The following GSG1L variants were observed in gnomAD, a reference collection of about 807,000 sequenced individuals.
GSG1L encodes GSG1 like, also known as germ cell-specific gene 1-like protein.
GSG1L carries 24 observed loss-of-function variants against 42.1 expected under a neutral mutation model. That is an observed-to-expected ratio of 0.57 (90% CI 0.41 to 0.80). The LOEUF is 0.80. Among genes scored for constraint, GSG1L ranks in the 30% least tolerant of loss-of-function variants. The probability of loss-of-function intolerance (pLI) is 0.00; values close to 1 mark genes in which losing one functional copy is unlikely to be tolerated. For synonymous variants in GSG1L, 215 were observed against 203.5 expected, an observed-to-expected ratio of 1.06 and a Z score of -0.48; for missense variants, 445 against 472.2, an observed-to-expected ratio of 0.94 and a Z score of 0.53.
chr16:27,928,772 C>G (rs2084625063), intron 2 of GSG1L, among the ~76,000 whole-genome samples: 1 of 152,214 alleles, frequency 6.6e-6, no homozygotes, highest in Non-Finnish European at 1.5e-5. Flanking sequence ...TGAGAGCTGT[C>G]CTGATCTCTA....
intron 2 of GSG1L, among the ~76,000 whole-genome samples, chr16:27,917,037 C>T (rs2084465551): frequency 6.6e-6 from 1 of 152,052 alleles, no homozygotes; most frequent in Admixed American, 6.6e-5. Flanking sequence ...AGTGCAAAGG[C>T]CTGAGGTGGG....
intron 2 of GSG1L, among the ~76,000 whole-genome samples, chr16:27,909,463 T>C (rs1185449264): frequency 1.4e-5 from 2 of 147,498 alleles, no homozygotes; most frequent in Admixed American, 6.9e-5. Flanking sequence ...TATGGCTCAC[T>C]GCAGCCTTGA....
At chr16:27,794,041 G>T (rs770218169) in intron 6 of GSG1L, among the ~76,000 whole-genome samples, 5 of 151,900 alleles carry the variant, frequency 3.3e-5, no homozygotes, top group Non-Finnish European at 7.4e-5. Context: ...TTGAGATGGG[G>T]TCTCACTCTG....
At chr16:27,961,956 A>T (rs1567536321) in intron 2 of GSG1L, among the ~76,000 whole-genome samples, 2 of 152,096 alleles carry the variant, frequency 1.3e-5, no homozygotes, top group Non-Finnish European at 2.9e-5. Flanking sequence ...TGCAAAACAG[A>T]ATGTCACCAG....
intron 2 of GSG1L, among the ~76,000 whole-genome samples, chr16:27,896,147 G>A (rs370443491): frequency 1.3e-5 from 2 of 152,186 alleles, no homozygotes; most frequent in Admixed American, 1.3e-4. Flanking sequence ...ACTCCAATGG[G>A]TGGGGCATGC....
intron 3 of GSG1L, among the ~76,000 whole-genome samples, chr16:27,869,623 T>G (rs2083779430): frequency 7.6e-6 from 1 of 130,926 alleles, no homozygotes. Flanking sequence ...CTCTCTCCTC[T>G]CTGCGTCTCC....
rs553532038 is a variant in GSG1L, at chr16:27,924,475, T to C, written c.397+38681A>G. 2.2e-4 allele frequency among the ~76,000 whole-genome samples: 34 copies of C among 152,302 alleles called. No homozygotes were observed. The East Asian group carries it at 6.2e-3, about 28-fold the overall frequency. On this transcript the variant is annotated intron_variant, in intron 2 of 6. Coordinates refer to ENST00000447459, the MANE Select transcript of GSG1L (RefSeq NM_001109763.2). ...TTTTACATCATGCAGGGCCTACAGT[T>C]TTGTGTGTTGAGTTTTTTTTGGCAT...
chr16:28,019,889 T>A (rs1369919036), intron 1 of GSG1L, among the ~76,000 whole-genome samples: 1 of 152,198 alleles, frequency 6.6e-6, no homozygotes, highest in Non-Finnish European at 1.5e-5. Context: ...TATTTCTCCA[T>A]CACCAAGGTC....
chr16:27,904,088 G>T (rs954706956), intron 2 of GSG1L, among the ~76,000 whole-genome samples: 2 of 151,664 alleles, frequency 1.3e-5, no homozygotes, highest in African/African-American at 4.9e-5. Context: ...CTGCCCTAAG[G>T]TTTTGGAGGT....
chr16:28,063,028 GC>G lies in GSG1L; in HGVS notation c.349+47del, dbSNP rs1189859741. The G allele has an allele frequency of 5.2e-6, 7 of 1,343,558 alleles. No individual in the cohort carries two copies. The highest frequency in any genetic ancestry group is 4.8e-6 in the Non-Finnish European group (5 of 1,045,548). 83.2% of individuals were successfully genotyped at this position (1,343,558 alleles called of 1,614,324 possible). A position where few individuals can be genotyped will look rare whatever the true frequency, so the allele number is the denominator to read the frequency against. ...GGGCTCGGGCCTCGATGGCCGCGCC[GC>G]CCCGGGGGAGCCGGAGCCGAGCTGG... On this transcript the variant is annotated intron_variant, in intron 1 of 6. Coordinates refer to ENST00000447459, the MANE Select transcript of GSG1L (RefSeq NM_001109763.2). The surrounding 1 kb of genome is among the most constrained non-coding windows in gnomAD (Gnocchi z 5.8).
At chr16:27,803,993 CAGAT>C (rs2082922536) in intron 6 of GSG1L, among the ~76,000 whole-genome samples, 1 of 149,126 alleles carries the variant, frequency 6.7e-6, no homozygotes, top group South Asian at 2.1e-4. Context: ...AGATGATTGA[CAGAT>C]GAATAATAGA....
At position 27,845,000 on chromosome 16, in the gene GSG1L, G is replaced by A. The variant is rs774836604; in HGVS notation, c.612C>T (p.Leu204=). ...YTQVFQVTVS[L]GPEDWRPHSW... Reference sequence around the variant, plus strand: ...AATGGGGTCTCCAGTCCTCAGGACCGAGGCTCACGGTGACCTGGAACACCT... The same window carrying A: ...AATGGGGTCTCCAGTCCTCAGGACCAAGGCTCACGGTGACCTGGAACACCT... The change falls in exon 4 of 7, where the codon CTC becomes CTT. Residue 204 remains leucine (L), a synonymous_variant. Transcript: ENST00000447459. 3.0e-5 allele frequency: 49 copies of A among 1,613,764 alleles called. No individual in the cohort carries two copies. In the Middle Eastern group the frequency reaches 4.9e-4, roughly 16 times the overall value.
intron 1 of GSG1L, among the ~76,000 whole-genome samples, chr16:28,045,150 T>TGG: frequency 1.3e-5 from 2 of 152,176 alleles, no homozygotes; most frequent in Non-Finnish European, 2.9e-5. Context: ...TCCATGTCAT[T>TGG]ACACATTTGT....
At chr16:28,042,433 C>A (rs2086117441) in intron 1 of GSG1L, among the ~76,000 whole-genome samples, 1 of 66,268 alleles carries the variant, frequency 1.5e-5, no homozygotes, top group Non-Finnish European at 2.5e-5. Flanking sequence ...GAAACTCCAT[C>A]TCAAAAAAAA....
At chr16:27,931,633 G>T (rs1235941884) in intron 2 of GSG1L, among the ~76,000 whole-genome samples, 2 of 152,178 alleles carry the variant, frequency 1.3e-5, no homozygotes, top group Admixed American at 6.6e-5. Context: ...CGTAATCTAC[G>T]CTGTGACTCC....
chr16:27,901,149 T>C (rs576358576), intron 2 of GSG1L, among the ~76,000 whole-genome samples: 17 of 152,242 alleles, frequency 1.1e-4, no homozygotes, highest in Middle Eastern at 3.4e-3. Flanking sequence ...ATTTAAAAAT[T>C]AGAAGTATAT....
chr16:28,062,714 G>C (rs2086356761), intron 1 of GSG1L, among the ~76,000 whole-genome samples: 1 of 152,208 alleles, frequency 6.6e-6, no homozygotes, highest in Admixed American at 6.5e-5. Flanking sequence ...AGAGGAGGAG[G>C]GGGCGAGCGT....
At chr16:28,002,045 A>G (rs1437906355) in intron 1 of GSG1L, among the ~76,000 whole-genome samples, 1 of 152,206 alleles carries the variant, frequency 6.6e-6, no homozygotes, top group Non-Finnish European at 1.5e-5. Flanking sequence ...CAATCAACAA[A>G]TACTCATTAA....
intron 1 of GSG1L, among the ~76,000 whole-genome samples, chr16:27,968,120 A>G (rs1348902595): frequency 6.6e-6 from 1 of 152,132 alleles, no homozygotes; most frequent in Non-Finnish European, 1.5e-5. Context: ...TTCAAAACAT[A>G]ATAATAAGAA....
Sources: allele counts gnomAD v4.1 joint callset (sites outside exome capture counted in the v4.1 genomes callset), GRCh38; gene constraint gnomAD v4.1.1; non-coding constraint Gnocchi (gnomAD v3.1); transcripts MANE v1.5; gene names NCBI Gene and HGNC (gene_info 2026-07-23, HGNC 2026-07-21).